The following ASTN2 variants were observed in gnomAD, a reference collection of about 807,000 sequenced individuals.
ASTN2 encodes astrotactin-2.
In ASTN2, 54 loss-of-function variants were observed where a neutral mutation model predicts 139.8. The ratio of observed to expected loss-of-function variants is 0.39; its 90% CI spans 0.31 to 0.48. The LOEUF (loss-of-function observed/expected upper bound fraction) is 0.48, where lower values mean the gene tolerates loss of function less well. ASTN2 is among the 20% of genes least tolerant of loss of function. The pLI, the probability that ASTN2 is intolerant of heterozygous loss-of-function variation, is 0.95. For missense variants in ASTN2, 1,565 were observed against 1,725.1 expected (o/e 0.91, Z 1.64); for synonymous variants, 756 against 719.5 (o/e 1.05, Z -0.81).
intron 11 of ASTN2, among the ~76,000 whole-genome samples, chr9:116,846,389 T>C (rs934781368): frequency 1.3e-5 from 2 of 152,292 alleles, no homozygotes; most frequent in African/African-American, 4.8e-5. Flanking sequence ...AAATGTATTT[T>C]AATAAAAGGG....
chr9:116,653,733 T>C (rs1190931609), intron 16 of ASTN2, among the ~76,000 whole-genome samples: 2 of 152,210 alleles, frequency 1.3e-5, no homozygotes, highest in Admixed American at 1.3e-4. Flanking sequence ...GATCTGGAAA[T>C]GGACTTGCCA....
chr9:116,578,534 A>G (rs1853815567), intron 19 of ASTN2, among the ~76,000 whole-genome samples: 1 of 146,980 alleles, frequency 6.8e-6, no homozygotes, highest in African/African-American at 2.6e-5. Context: ...TCAGAATTCC[A>G]GAAATGCAAA....
rs562596524 is a variant in ASTN2 at position 117,290,249 on chromosome 9, T to C, written c.630+1077A>G. On this transcript the variant is annotated intron_variant, in intron 2 of 22. Transcript: ENST00000313400. The stretch of plus-strand genomic sequence containing the variant: ...AAGGAGAAGTGAATGTAAGAGGGGC[T>C]TTGAGGAATATAAAGCATCAGAAAG... Among the ~76,000 whole-genome samples the C allele has an allele frequency of 6.6e-5, 10 of 152,302 alleles. No homozygotes were observed. In the East Asian group the frequency reaches 1.9e-3, roughly 29 times the overall value.
At chr9:116,943,034 C>A (rs3860180) in intron 10 of ASTN2, among the ~76,000 whole-genome samples, 6 of 152,142 alleles carry the variant, frequency 3.9e-5, no homozygotes, top group Non-Finnish European at 8.8e-5. Flanking sequence ...GAAGTTATTA[C>A]GTGTTTGAGT....
rs767241739 is a variant in ASTN2 at position 116,442,510 on chromosome 9, G to C, written c.3541C>G (p.Leu1181Val). Residue 1181 changes from leucine (L) to valine (V), a missense_variant, in exon 21 of 23, where the codon CTA (leucine) becomes GTA (valine). Physicochemically the swap from Leu to Val is conservative, Grantham distance 32 (BLOSUM62 1). Transcript: ENST00000313400. ...GCCGTCCTCAGGGTCACCGTGCTTA[G>C]CTCTGAGTGCCTCCCTCGTGTATCC... ...AVDTRGRHSE[L>V]STVTLRTACP... is the part of the protein sequence containing the mutation. 1.2e-6 allele frequency: 2 copies of C among 1,614,138 alleles called. No homozygotes were observed. The highest frequency in any genetic ancestry group is 2.7e-5 in the African/African-American group (2 of 75,022).
intron 4 of ASTN2, among the ~76,000 whole-genome samples, chr9:117,133,571 G>A (rs1433911219): frequency 6.6e-6 from 1 of 152,168 alleles, no homozygotes; most frequent in East Asian, 1.9e-4. Flanking sequence ...TTGTCAGGAA[G>A]CAGGCTAGCC....
chr9:116,975,831 T>G (rs939461451), intron 9 of ASTN2, among the ~76,000 whole-genome samples: 21 of 152,194 alleles, frequency 1.4e-4, no homozygotes, highest in African/African-American at 4.6e-4. Context: ...TGGGAAGAGG[T>G]TCTATGGTTA....
chr9:117,276,674 A>G (rs1393960430), intron 2 of ASTN2, among the ~76,000 whole-genome samples: 2 of 152,054 alleles, frequency 1.3e-5, no homozygotes, highest in African/African-American at 2.4e-5. Flanking sequence ...AGAATTTTAG[A>G]GGAGGAAGGG....
chr9:117,184,847 G>C (rs552504490), intron 3 of ASTN2, among the ~76,000 whole-genome samples: 1 of 152,198 alleles, frequency 6.6e-6, no homozygotes, highest in South Asian at 2.1e-4. Flanking sequence ...CTGAGACTCA[G>C]GGAGGAGATA....
At chr9:117,299,249 A>C (rs1038863125) in intron 1 of ASTN2, among the ~76,000 whole-genome samples, 3 of 152,140 alleles carry the variant, frequency 2.0e-5, no homozygotes, top group Admixed American at 6.6e-5. Context: ...TTTTATACTG[A>C]CTATATTTTA....
chr9:116,790,164 G>A (rs1177808882), intron 13 of ASTN2, among the ~76,000 whole-genome samples: 1 of 152,018 alleles, frequency 6.6e-6, no homozygotes, highest in Non-Finnish European at 1.5e-5. Flanking sequence ...GACCTCAGAT[G>A]ATCTGCCTGC....
At chr9:116,906,041 TCCAGA>T (rs1420552096) in intron 10 of ASTN2, among the ~76,000 whole-genome samples, 1 of 151,978 alleles carries the variant, frequency 6.6e-6, no homozygotes, top group East Asian at 1.9e-4. Flanking sequence ...CCACTGACCC[TCCAGA>T]CCTTAGATTT....
At chr9:116,915,339 T>C (rs1169564931) in intron 10 of ASTN2, among the ~76,000 whole-genome samples, 1 of 152,348 alleles carries the variant, frequency 6.6e-6, no homozygotes, top group Middle Eastern at 3.4e-3. Flanking sequence ...CACTGTTTAC[T>C]CCTGAGGAGG....
At chr9:117,292,138 T>A (rs565453074) in intron 1 of ASTN2, among the ~76,000 whole-genome samples, 3 of 152,294 alleles carry the variant, frequency 2.0e-5, no homozygotes, top group African/African-American at 7.2e-5. Flanking sequence ...TAAAGTTTCC[T>A]TGGCTTAAAA....
intron 1 of ASTN2, among the ~76,000 whole-genome samples, chr9:117,401,926 A>G (rs1049462033): frequency 6.6e-6 from 1 of 152,212 alleles, no homozygotes; most frequent in Non-Finnish European, 1.5e-5. Flanking sequence ...CCCATGGGCT[A>G]TATATAGTAT....
At chr9:117,088,331 A>G (rs1828620689) in intron 5 of ASTN2, among the ~76,000 whole-genome samples, 1 of 151,984 alleles carries the variant, frequency 6.6e-6, no homozygotes, top group Admixed American at 6.6e-5. Flanking sequence ...CTTGGCAGGT[A>G]CTCTTCCACA....
chr9:117,393,637 A>G (rs980702555), intron 1 of ASTN2, among the ~76,000 whole-genome samples: 3 of 152,172 alleles, frequency 2.0e-5, no homozygotes, highest in Non-Finnish European at 4.4e-5. Context: ...CCATAAAACA[A>G]TGATGAAAGA....
intron 4 of ASTN2, among the ~76,000 whole-genome samples, chr9:117,096,878 G>A (rs1350700459): frequency 1.3e-5 from 2 of 152,200 alleles, no homozygotes; most frequent in South Asian, 2.1e-4. Context: ...ACCAGCTTGA[G>A]CACCCTCAGG....
intron 3 of ASTN2, among the ~76,000 whole-genome samples, chr9:117,159,777 C>T (rs1298069267): frequency 6.6e-6 from 1 of 152,040 alleles, no homozygotes; most frequent in Admixed American, 6.6e-5. Flanking sequence ...AATTTGCAAG[C>T]TGAGATTTAA....
Sources: gnomAD v4.1 joint callset for allele counts (sites outside exome capture counted in the v4.1 genomes callset) on GRCh38, gnomAD v4.1.1 for gene constraint, MANE v1.5 for transcripts, NCBI Gene and HGNC (gene_info 2026-07-23, HGNC 2026-07-21) for gene names.